Variants in GRM5 observed in about 807,000 individuals in gnomAD.
The protein encoded by GRM5 is glutamate metabotropic receptor 5.
A neutral mutation model predicts 83.1 loss-of-function variants in GRM5; 19 were observed. The ratio of observed to expected loss-of-function variants is 0.23; its 90% confidence interval spans 0.16 to 0.34. The LOEUF (loss-of-function observed/expected upper bound fraction) is 0.34. Ranked by LOEUF, GRM5 falls within the 10% of genes least tolerant of loss-of-function variation. The pLI is 1.00. For missense variants in GRM5, 1,160 were observed against 1,588.3 expected (o/e 0.73, Z 4.58); for synonymous variants, 675 against 633.6 (o/e 1.07, Z -0.98).
At chr11:89,045,074 C>G (rs185918506) in intron 2 of GRM5, among the ~76,000 whole-genome samples, 481 of 152,280 alleles carry the variant, frequency 3.2e-3, no homozygotes, top group African/African-American at 0.011. Context: ...GACACAACCA[C>G]ATAAACAGTA....
intron 7 of GRM5, among the ~76,000 whole-genome samples, chr11:88,569,131 G>A (rs117462037): frequency 1.8e-4 from 28 of 152,290 alleles, no homozygotes; most frequent in African/African-American, 3.1e-4. Context: ...AGACCTGGGT[G>A]TCCCATTGGT....
chr11:88,971,406 T>G (rs1380479114), intron 2 of GRM5, among the ~76,000 whole-genome samples: 1 of 152,088 alleles, frequency 6.6e-6, no homozygotes, highest in Non-Finnish European at 1.5e-5. Context: ...TAGAAGCTAA[T>G]AGTTTTTTGA....
chr11:88,770,245 T>G (rs1942705192), intron 3 of GRM5, among the ~76,000 whole-genome samples: 1 of 152,054 alleles, frequency 6.6e-6, no homozygotes, highest in African/African-American at 2.4e-5. Flanking sequence ...ACATGTAATA[T>G]GGTATACTGG....
At chr11:88,849,770 G>A (rs776786189) in intron 3 of GRM5, 136 bp downstream of exon 3, 68 of 801,782 alleles carry the variant, frequency 8.5e-5, no homozygotes, top group African/African-American at 2.2e-4. Flanking sequence ...GCACAGGTGC[G>A]TTATGAAATT....
intron 7 of GRM5, among the ~76,000 whole-genome samples, chr11:88,589,283 T>G (rs892393064): frequency 7.2e-5 from 11 of 152,138 alleles, no homozygotes; most frequent in African/African-American, 2.7e-4. Context: ...TCAACAAAAT[T>G]TATTTAAGGC....
chr11:88,589,219 C>G (rs1360859819), intron 7 of GRM5, among the ~76,000 whole-genome samples: 1 of 151,428 alleles, frequency 6.6e-6, no homozygotes, highest in Non-Finnish European at 1.5e-5. Context: ...GTATTTTTTT[C>G]TTTTTGGCAT....
chr11:88,888,144 C>A (rs1478594388), intron 2 of GRM5, among the ~76,000 whole-genome samples: 2 of 152,150 alleles, frequency 1.3e-5, no homozygotes, highest in Non-Finnish European at 2.9e-5. Context: ...CTTCTCATTG[C>A]AGGACCTCAG....
At chr11:88,762,094 A>C (rs1565218722) in intron 3 of GRM5, among the ~76,000 whole-genome samples, 3 of 152,112 alleles carry the variant, frequency 2.0e-5, no homozygotes, top group Non-Finnish European at 4.4e-5. Context: ...CTTGGAATAC[A>C]ACCTAGGTAA....
intron 1 of GRM5, among the ~76,000 whole-genome samples, chr11:89,048,276 C>T (rs1227963281): frequency 6.6e-6 from 1 of 152,170 alleles, no homozygotes. Context: ...CCCTGCCTTG[C>T]TTAGATTAAT....
intron 3 of GRM5, among the ~76,000 whole-genome samples, chr11:88,723,055 C>T (rs769245688): frequency 6.6e-6 from 1 of 152,070 alleles, no homozygotes; most frequent in Non-Finnish European, 1.5e-5. Flanking sequence ...TGAAACCCGT[C>T]AACCACTAAT....
At chr11:88,841,361 T>G (rs2135530799) in intron 3 of GRM5, among the ~76,000 whole-genome samples, 1 of 152,300 alleles carries the variant, frequency 6.6e-6, no homozygotes, top group African/African-American at 2.4e-5. Context: ...CAAACCATCC[T>G]TTGCTAACAC....
chr11:88,600,523 AT>A (rs1357347068), intron 5 of GRM5, among the ~76,000 whole-genome samples: 1 of 151,980 alleles, frequency 6.6e-6, no homozygotes, highest in African/African-American at 2.4e-5. Flanking sequence ...ATTCTAAATA[AT>A]TTTAAAAATA....
chr11:88,877,400 C>A (rs778095522), intron 2 of GRM5, among the ~76,000 whole-genome samples: 1 of 151,886 alleles, frequency 6.6e-6, no homozygotes, highest in African/African-American at 2.4e-5. Context: ...GAAGCAAGGG[C>A]GACTCATACA....
At chr11:88,927,024 T>C (rs1218708800) in intron 2 of GRM5, among the ~76,000 whole-genome samples, 1 of 152,198 alleles carries the variant, frequency 6.6e-6, no homozygotes, top group Non-Finnish European at 1.5e-5. Context: ...TTTCTTTTCT[T>C]GTAGCCTTTC....
intron 2 of GRM5, among the ~76,000 whole-genome samples, chr11:89,019,083 G>A (rs1250323181): frequency 1.3e-5 from 2 of 152,018 alleles, no homozygotes; most frequent in South Asian, 2.1e-4. Context: ...TCCTCAAAAC[G>A]GTGACTGATT....
chr11:88,528,916 T>C (rs529735553), intron 8 of GRM5, among the ~76,000 whole-genome samples: 2 of 152,220 alleles, frequency 1.3e-5, no homozygotes, highest in East Asian at 3.9e-4. Context: ...AGCCCAAGGT[T>C]AAAAATCAGG....
intron 3 of GRM5, among the ~76,000 whole-genome samples, chr11:88,754,969 C>T (rs574601486): frequency 6.6e-5 from 10 of 150,600 alleles, no homozygotes; most frequent in Non-Finnish European, 1.2e-4. Context: ...TACAACACTT[C>T]TGTAGGCCTT....
At chr11:88,967,071 C>T (rs1938998460) in intron 2 of GRM5, among the ~76,000 whole-genome samples, 1 of 151,920 alleles carries the variant, frequency 6.6e-6, no homozygotes, top group African/African-American at 2.4e-5. Flanking sequence ...TGAGACCAAT[C>T]TAAGTGTTTC....
chr11:88,887,255 T>A (rs773829501), intron 2 of GRM5, among the ~76,000 whole-genome samples: 32 of 152,168 alleles, frequency 2.1e-4, no homozygotes, highest in Non-Finnish European at 4.3e-4. Flanking sequence ...CTGCCTCCAA[T>A]TAGAATGGTA....
Sources: allele counts gnomAD v4.1 joint callset (sites outside exome capture counted in the v4.1 genomes callset), GRCh38; gene constraint gnomAD v4.1.1; transcripts MANE v1.5; gene names NCBI Gene and HGNC (gene_info 2026-07-23, HGNC 2026-07-21).